Variants in SPINT2 observed in about 807,000 individuals in gnomAD.
The protein encoded by SPINT2 is serine peptidase inhibitor, Kunitz type 2.
SPINT2 carries 18 observed loss-of-function variants against 30.1 expected under a neutral mutation model. The ratio of observed to expected loss-of-function variants is 0.60; its 90% CI spans 0.41 to 0.89. SPINT2 has a LOEUF of 0.89. SPINT2 is among the 40% of genes least tolerant of loss of function. The pLI, the probability that SPINT2 is intolerant of heterozygous loss-of-function variation, is 0.00. For missense variants in SPINT2, 276 were observed against 334.3 expected (o/e 0.83, Z 1.36); for synonymous variants, 139 against 137.9 (o/e 1.01, Z -0.05).
intron 1 of SPINT2, among the ~76,000 whole-genome samples, chr19:38,275,669 TGCCTCG>T (rs1968508316): frequency 6.6e-6 from 1 of 151,974 alleles, no homozygotes; most frequent in Non-Finnish European, 1.5e-5. Context: ...ATGATCCTCC[TGCCTCG>T]GCCTCCCAAA....
intron 1 of SPINT2, chr19:38,265,455 AGATT>A (rs1968366998): frequency 6.5e-6 from 1 of 153,080 alleles, no homozygotes. Flanking sequence ...GCCTCTTTGG[AGATT>A]GGACAAGAGC....
intron 1 of SPINT2, among the ~76,000 whole-genome samples, chr19:38,275,290 T>G (rs953512835): frequency 6.6e-6 from 1 of 152,164 alleles, no homozygotes; most frequent in Non-Finnish European, 1.5e-5. Context: ...TTTGTTTTGT[T>G]TTGTTACTCT....
At position 38,290,748 on chromosome 19, in the gene SPINT2, G is replaced by A. The variant is rs1189346679; in HGVS notation, c.592+173G>A. The A allele has an allele frequency of 1.1e-6, 1 of 937,822 alleles. No homozygotes were observed. Among genetic ancestry groups the A allele is most frequent in the Non-Finnish European group, 1.6e-6 (1 of 610,634 alleles). 58.1% of individuals were successfully genotyped at this position (937,822 alleles called of 1,614,324 possible). A position where few individuals can be genotyped will look rare whatever the true frequency, so the allele number is the denominator to read the frequency against. On this transcript the variant is annotated intron_variant, in intron 6 of 6. Coordinates refer to ENST00000301244, the MANE Select transcript of SPINT2 (RefSeq NM_021102.4). This position sits in a 1 kb window ranked among gnomAD's most constrained non-coding sequence, Gnocchi z 4.3. ...GTGGTGGTTTGTCCCACCGTTCAGT[G>A]TACACAGTTGGGGCTGGAGTGAGTC...
At chr19:38,275,136 G>GT (rs894292001) in intron 1 of SPINT2, among the ~76,000 whole-genome samples, 21 of 152,332 alleles carry the variant, frequency 1.4e-4, no homozygotes, top group African/African-American at 4.8e-4. Flanking sequence ...GCTCTGTATC[G>GT]TAAGTTATAT....
intron 1 of SPINT2, among the ~76,000 whole-genome samples, chr19:38,267,809 G>A (rs866996733): frequency 1.3e-5 from 2 of 152,160 alleles, no homozygotes; most frequent in Non-Finnish European, 2.9e-5. Context: ...AGTTGTCTGG[G>A]TTGGCAGATA....
chr19:38,290,753 C>T lies in SPINT2; in HGVS notation c.592+178C>T. 1.1e-6 allele frequency: 1 copy of T among 903,218 alleles called. No individual in the cohort carries two copies. Among genetic ancestry groups the T allele is most frequent in the South Asian group, 1.5e-5 (1 of 65,232 alleles). The allele number at this position is 903,218 out of a possible 1,614,324, so 56.0% of individuals were successfully genotyped here. A position where few individuals can be genotyped will look rare whatever the true frequency, so the allele number is the denominator to read the frequency against. ...GGTTTGTCCCACCGTTCAGTGTACA[C>T]AGTTGGGGCTGGAGTGAGTCAGTCA... On this transcript the variant is annotated intron_variant, in intron 6 of 6. Transcript: ENST00000301244. The surrounding 1 kb of genome is among the most constrained non-coding windows in gnomAD (Gnocchi z 4.3).
intron 1 of SPINT2, among the ~76,000 whole-genome samples, chr19:38,269,191 G>C (rs574067606): frequency 6.6e-6 from 1 of 151,802 alleles, no homozygotes; most frequent in East Asian, 1.9e-4. Flanking sequence ...TCCACCTCCC[G>C]GGTTCACATC....
Position 38,283,830 on chromosome 19 carries a change from T to G in SPINT2, c.277+33T>G, listed in dbSNP as rs755823773. 1.1e-5 allele frequency: 17 copies of G among 1,530,302 alleles called. 2 individuals carry two copies. The Admixed American group carries it at 3.4e-4, about 31-fold the overall frequency. The allele number at this position is 1,530,302 out of a possible 1,614,324, so 94.8% of individuals were successfully genotyped here. A position where few individuals can be genotyped will look rare whatever the true frequency, so the allele number is the denominator to read the frequency against. ...GGCAGTAGTTGGAGCTTTTGTTTTT[T>G]TCCTTTTTTTTTTTTTTTTTTTTTT... On this transcript the variant is annotated intron_variant, in intron 2 of 6. Coordinates refer to ENST00000301244, the MANE Select transcript of SPINT2 (RefSeq NM_021102.4).
At chr19:38,283,597 A>G (rs373018472) in intron 1 of SPINT2, 30 bp from the exon 2 acceptor site, 41 of 1,613,382 alleles carry the variant, frequency 2.5e-5, no homozygotes, top group Non-Finnish European at 3.5e-5. Context: ...TTGCCCTGCC[A>G]AGCTAACCGG....
chr19:38,269,641 C>T lies in SPINT2; in HGVS notation c.106+4643C>T, dbSNP rs1373699260. Among the ~76,000 whole-genome samples, 46 of 131,450 alleles carry T rather than the reference C, an allele frequency of 3.5e-4. 1 individual carries two copies. The highest frequency in any genetic ancestry group is 6.1e-4 in the Non-Finnish European group (38 of 62,760). 86.2% of individuals were successfully genotyped at this position (131,450 alleles called of 152,430 possible). On this transcript the variant is annotated intron_variant, in intron 1 of 6. Transcript: ENST00000301244. ...TTTTTTTTTTTGAGACGGAGTGTCT[C>T]GCTCTGTCGCCCAGGCCGGAGTGCA...
intron 1 of SPINT2, among the ~76,000 whole-genome samples, chr19:38,274,448 ATCCTT>A (rs1365167098): frequency 1.3e-5 from 2 of 152,114 alleles, no homozygotes. Context: ...CTTGGCTACT[ATCCTT>A]AGAATTCCAA....
chr19:38,277,810 T>C (rs550917466), intron 1 of SPINT2, among the ~76,000 whole-genome samples: 1 of 152,348 alleles, frequency 6.6e-6, no homozygotes, highest in South Asian at 2.1e-4. Flanking sequence ...CTGATGCTTT[T>C]CCAAAAGAAA....
chr19:38,275,578 T>C (rs1968507014), intron 1 of SPINT2, among the ~76,000 whole-genome samples: 1 of 152,060 alleles, frequency 6.6e-6, no homozygotes, highest in Admixed American at 6.6e-5. Context: ...CCACTGTATC[T>C]GGCCAAAAAA....
At chr19:38,266,436 G>A (rs1435508001) in intron 1 of SPINT2, among the ~76,000 whole-genome samples, 1 of 151,970 alleles carries the variant, frequency 6.6e-6, no homozygotes. Flanking sequence ...AGAACTTTGG[G>A]AGGCCAAGGC....
At chr19:38,275,453 T>C (rs1968505400) in intron 1 of SPINT2, among the ~76,000 whole-genome samples, 1 of 151,958 alleles carries the variant, frequency 6.6e-6, no homozygotes, top group Non-Finnish European at 1.5e-5. Flanking sequence ...GCCTCCCGAG[T>C]AGCTGGGACT....
intron 3 of SPINT2, among the ~76,000 whole-genome samples, chr19:38,288,238 G>GTGCGGGCCTCCAGCTGCTC (rs1246862091): frequency 1.3e-5 from 2 of 152,032 alleles, no homozygotes; most frequent in African/African-American, 2.4e-5. Context: ...CCTCCTTGCT[G>GTGCGGGCCTCCAGCTGCTC]TGCGGGCCTC....
In SPINT2 at chr19:38,283,815, G is replaced by A. The variant is rs765086874; in HGVS notation, c.277+18G>A. On this transcript the variant is annotated intron_variant, in intron 2 of 6. Coordinates refer to ENST00000301244, the MANE Select transcript of SPINT2 (RefSeq NM_021102.4). ...TGTCACAGGTGAGATGGCAGTAGTTGGAGCTTTTGTTTTTTTCCTTTTTTT... is the reference window on the plus strand; with the variant it reads ...TGTCACAGGTGAGATGGCAGTAGTTAGAGCTTTTGTTTTTTTCCTTTTTTT... 3 of 1,561,648 alleles carry A rather than the reference G, an allele frequency of 1.9e-6. No homozygotes were observed. In the Admixed American group the frequency reaches 5.2e-5, roughly 27 times the overall value.
intron 1 of SPINT2, among the ~76,000 whole-genome samples, chr19:38,267,783 T>C (rs926815651): frequency 6.6e-6 from 1 of 151,526 alleles, no homozygotes; most frequent in African/African-American, 2.4e-5. Context: ...GGAGCTAAAG[T>C]TGGGAAGGAA....
At chr19:38,276,919 G>A (rs1968526797) in intron 1 of SPINT2, among the ~76,000 whole-genome samples, 1 of 151,402 alleles carries the variant, frequency 6.6e-6, no homozygotes, top group Non-Finnish European at 1.5e-5. Flanking sequence ...TCCTGCCTCA[G>A]CCTCCCGAGG....
Sources: gnomAD v4.1 joint callset for allele counts (sites outside exome capture counted in the v4.1 genomes callset) on GRCh38, gnomAD v4.1.1 for gene constraint, Gnocchi (gnomAD v3.1) non-coding constraint, MANE v1.5 for transcripts, NCBI Gene and HGNC (gene_info 2026-07-23, HGNC 2026-07-21) for gene names.